Variants in OSBPL6 observed in about 807,000 individuals in gnomAD.
The protein encoded by OSBPL6 is oxysterol-binding protein-related protein 6.
In OSBPL6, 49 loss-of-function variants were observed where a neutral mutation model predicts 125.8. The ratio of observed to expected loss-of-function variants is 0.39; its 90% CI spans 0.31 to 0.49. The LOEUF (loss-of-function observed/expected upper bound fraction) is 0.49, where lower values mean the gene tolerates loss of function less well. Ranked by LOEUF, OSBPL6 falls within the 20% of genes least tolerant of loss-of-function variation. The pLI, the probability that OSBPL6 is intolerant of heterozygous loss-of-function variation, is 0.88. For synonymous variants in OSBPL6, 394 were observed against 391.8 expected (o/e 1.01, Z -0.07); for missense variants, 986 against 1,135.4 (o/e 0.87, Z 1.89).
intron 22 of OSBPL6, 39 bp from the exon 23 acceptor site, chr2:178,392,373 C>G (rs1559331846): frequency 1.2e-6 from 2 of 1,609,646 alleles, no homozygotes; most frequent in Non-Finnish European, 1.7e-6. Context: ...GTTCCATAAA[C>G]CTTCTGCCTC....
intron 15 of OSBPL6, among the ~76,000 whole-genome samples, chr2:178,375,603 A>G (rs1405862172): frequency 6.6e-6 from 1 of 151,820 alleles, no homozygotes; most frequent in Non-Finnish European, 1.5e-5. Context: ...TGTTTTTTTT[A>G]GTAGAGACAG....
At chr2:178,243,659 C>G (rs915730932) in intron 1 of OSBPL6, among the ~76,000 whole-genome samples, 1 of 152,012 alleles carries the variant, frequency 6.6e-6, no homozygotes, top group African/African-American at 2.4e-5. Flanking sequence ...TTTTTTGTTT[C>G]TTTGTTTGTT....
intron 1 of OSBPL6, among the ~76,000 whole-genome samples, chr2:178,223,359 T>C (rs146999322): frequency 1.3e-3 from 197 of 152,332 alleles, no homozygotes; most frequent in African/African-American, 4.6e-3. Flanking sequence ...TTTTGGCTTA[T>C]TGTTTTGTGA....
chr2:178,347,493 A>G (rs16866281), intron 11 of OSBPL6, among the ~76,000 whole-genome samples: 4,340 of 152,174 alleles, frequency 0.029, 274 homozygotes, highest in East Asian at 0.22. Flanking sequence ...GTGTCCCTCA[A>G]TGGGCTGACT....
rs2091042156 is a variant in OSBPL6 at position 178,236,114 on chromosome 2, C to G, written c.-351+41440C>G. ...CATTGCTTCTGTTTAATCCTTGTTTCTAGTTGCTACAGTCTCTTAAAAATT... is the reference window on the plus strand; with the variant it reads ...CATTGCTTCTGTTTAATCCTTGTTTGTAGTTGCTACAGTCTCTTAAAAATT... On this transcript the variant is annotated intron_variant, in intron 1 of 24. Coordinates refer to ENST00000190611, the MANE Select transcript of OSBPL6 (RefSeq NM_032523.4). Among the ~76,000 whole-genome samples, 3 of 151,756 alleles carry G rather than the reference C, an allele frequency of 2.0e-5. No homozygotes were observed. The South Asian group carries it at 6.2e-4, about 32-fold the overall frequency.
chr2:178,377,615 C>T (rs765410010), intron 15 of OSBPL6, among the ~76,000 whole-genome samples: 2 of 152,212 alleles, frequency 1.3e-5, no homozygotes, highest in African/African-American at 2.4e-5. Flanking sequence ...AGGCTAGGCT[C>T]AAGCTACGTA....
intron 1 of OSBPL6, among the ~76,000 whole-genome samples, chr2:178,229,423 G>A (rs1255774937): frequency 6.6e-6 from 1 of 152,170 alleles, no homozygotes; most frequent in Non-Finnish European, 1.5e-5. Flanking sequence ...TTTGGCTAGT[G>A]ACCACCATAA....
chr2:178,301,762 A>G (rs1410171919), intron 2 of OSBPL6, among the ~76,000 whole-genome samples: 1 of 152,176 alleles, frequency 6.6e-6, no homozygotes, highest in Non-Finnish European at 1.5e-5. Flanking sequence ...AAAAGCTCTA[A>G]GAACCATCCC....
intron 1 of OSBPL6, among the ~76,000 whole-genome samples, chr2:178,227,493 C>A (rs1003525353): frequency 5.3e-5 from 8 of 152,120 alleles, no homozygotes; most frequent in Non-Finnish European, 1.0e-4. Flanking sequence ...TCAAGAAATA[C>A]GTCCAGAAAT....
intron 13 of OSBPL6, among the ~76,000 whole-genome samples, chr2:178,370,490 A>G (rs1023787802): frequency 6.6e-6 from 1 of 152,194 alleles, no homozygotes. Flanking sequence ...ACAATAGATA[A>G]GAGTAATGCA....
At chr2:178,280,675 T>C (rs1684070732) in intron 1 of OSBPL6, among the ~76,000 whole-genome samples, 2 of 152,210 alleles carry the variant, frequency 1.3e-5, no homozygotes, top group East Asian at 1.9e-4. Context: ...TACATGTAAG[T>C]CAAAACCTTG....
chr2:178,281,313 G>A (rs946470487), intron 1 of OSBPL6, among the ~76,000 whole-genome samples: 15 of 151,874 alleles, frequency 9.9e-5, no homozygotes, highest in South Asian at 4.2e-4. Flanking sequence ...GTGCCCGGCC[G>A]CTTTTGACGT....
chr2:178,278,092 C>T (rs922289317), intron 1 of OSBPL6, among the ~76,000 whole-genome samples: 1 of 152,178 alleles, frequency 6.6e-6, no homozygotes, highest in African/African-American at 2.4e-5. Context: ...TTTTCATATA[C>T]TTTTCTCACT....
intron 1 of OSBPL6, among the ~76,000 whole-genome samples, chr2:178,232,999 A>G (rs969759836): frequency 2.0e-5 from 3 of 152,232 alleles, no homozygotes; most frequent in African/African-American, 7.2e-5. Context: ...ATATCAAGCA[A>G]TTATACAAAG....
At chr2:178,377,793 G>C (rs1174602977) in intron 15 of OSBPL6, among the ~76,000 whole-genome samples, 1 of 152,092 alleles carries the variant, frequency 6.6e-6, no homozygotes, top group African/African-American at 2.4e-5. Context: ...CTACAATTTA[G>C]AGTTGCCATT....
At chr2:178,277,077 G>A (rs1335822518) in intron 1 of OSBPL6, among the ~76,000 whole-genome samples, 1 of 152,174 alleles carries the variant, frequency 6.6e-6, no homozygotes. Context: ...AATATTCACT[G>A]ATCTGGACCT....
intron 3 of OSBPL6, among the ~76,000 whole-genome samples, chr2:178,309,233 C>T (rs1687044865): frequency 1.3e-5 from 2 of 152,098 alleles, no homozygotes; most frequent in South Asian, 4.1e-4. Context: ...ACCTTTTTGA[C>T]AATATTTGAC....
At position 178,332,995 on chromosome 2, in the gene OSBPL6, C is replaced by T; in HGVS notation, c.611C>T (p.Thr204Ile). Residue 204 changes from threonine (T) to isoleucine (I), a missense_variant, in exon 8 of 25, where the codon ACA (threonine) becomes ATA (isoleucine). Around this residue, in one of 3 missense-constraint regions of OSBPL6, gnomAD observed 843 missense variants for 997.3 expected, o/e 0.85. Coordinates refer to ENST00000190611, the MANE Select transcript of OSBPL6 (RefSeq NM_032523.4). ...ASFHIFPSTS[T>I]AESSPAANVS... is the part of the protein sequence containing the mutation. ...TTTCACATATTTCCTTCAACGTCCA[C>T]AGCTGAATCCTCACCAGCTGCTAAT... The T allele has an allele frequency of 2.5e-6, 4 of 1,614,172 alleles. No individual in the cohort carries two copies. Among genetic ancestry groups the T allele is most frequent in the South Asian group, 2.2e-5 (2 of 91,080 alleles).
rs1693439358 is a variant in OSBPL6 at position 178,372,069 on chromosome 2, C to G, written c.1288-57C>G. The G allele has an allele frequency of 2.3e-6, 3 of 1,295,754 alleles. No individual in the cohort carries two copies. In the Admixed American group the frequency reaches 5.3e-5, roughly 23 times the overall value. 80.3% of individuals were successfully genotyped at this position (1,295,754 alleles called of 1,614,324 possible). A position where few individuals can be genotyped will look rare whatever the true frequency, so the allele number is the denominator to read the frequency against. On this transcript the variant is annotated intron_variant, in intron 13 of 24. Transcript: ENST00000190611. Reference sequence around the variant, plus strand: ...TCTAACTTGTACCTGTGTACTTGTTCTGTTTTATGCTTGCTTATTAATTTT... The same window carrying G: ...TCTAACTTGTACCTGTGTACTTGTTGTGTTTTATGCTTGCTTATTAATTTT...
Sources: allele counts gnomAD v4.1 joint callset (sites outside exome capture counted in the v4.1 genomes callset), GRCh38; gene constraint gnomAD v4.1.1; regional missense constraint gnomAD v4.1.1; transcripts MANE v1.5; gene names NCBI Gene and HGNC (gene_info 2026-07-23, HGNC 2026-07-21).